Variants in CPQ observed in about 807,000 individuals in gnomAD.
CPQ encodes the protein Ser-Met dipeptidase.
Under a neutral mutation model 45.7 loss-of-function variants are expected in CPQ, and 37 were observed. The ratio of observed to expected loss-of-function variants is 0.81; its 90% CI spans 0.62 to 1.07. The LOEUF is 1.07. Among genes scored for constraint, CPQ ranks in the 50% least tolerant of loss-of-function variants. CPQ has a pLI of 0.00. For missense variants in CPQ, 537 were observed against 572.9 expected, an observed-to-expected ratio of 0.94 and a Z score of 0.64; for synonymous variants, 186 against 205.8, an observed-to-expected ratio of 0.90 and a Z score of 0.82.
intron 1 of CPQ, among the ~76,000 whole-genome samples, chr8:96,759,862 G>C (rs759701255): frequency 1.3e-5 from 2 of 152,100 alleles, no homozygotes; most frequent in Admixed American, 6.6e-5. Flanking sequence ...TAGGCTCTCT[G>C]TATATATTTT....
At chr8:96,974,323 C>T (rs1425226288) in intron 5 of CPQ, among the ~76,000 whole-genome samples, 5 of 152,222 alleles carry the variant, frequency 3.3e-5, no homozygotes, top group Middle Eastern at 3.4e-3. Flanking sequence ...GAAAATATCA[C>T]AATTCTAAAT....
At chr8:96,804,481 T>C (rs1811051017) in intron 2 of CPQ, among the ~76,000 whole-genome samples, 1 of 152,132 alleles carries the variant, frequency 6.6e-6, no homozygotes, top group Non-Finnish European at 1.5e-5. Context: ...TAGGGTTAGT[T>C]TCTGTTATTT....
At position 96,707,757 on chromosome 8, in the gene CPQ, A is replaced by C. The variant is rs147359454; in HGVS notation, c.-35+62355A>C. ...TGTAGTTCTGGGAGTCAGAAGTCCA[A>C]AATGGGTTTTACTTGGCAAAAAATA... On this transcript the variant is annotated intron_variant, in intron 1 of 7. Transcript: ENST00000220763. 3.9e-3 allele frequency among the ~76,000 whole-genome samples: 601 copies of C among 152,242 alleles called. 2 individuals are homozygous for C. The highest frequency in any genetic ancestry group is 0.014 in the Middle Eastern group (4 of 294).
intron 1 of CPQ, among the ~76,000 whole-genome samples, chr8:96,717,846 C>T (rs1809704942): frequency 1.3e-5 from 2 of 152,140 alleles, no homozygotes; most frequent in African/African-American, 2.4e-5. Flanking sequence ...GGTAATGTTC[C>T]AGGGAGGAGC....
chr8:97,135,987 T>C (rs369156282), intron 7 of CPQ, among the ~76,000 whole-genome samples: 1 of 152,188 alleles, frequency 6.6e-6, no homozygotes. Context: ...CACCCATCTC[T>C]TCAGGAATTA....
intron 5 of CPQ, among the ~76,000 whole-genome samples, chr8:97,023,112 CTA>C (rs35585042): frequency 6.9e-6 from 1 of 144,322 alleles, no homozygotes. Context: ...TATATACACA[CTA>C]TATATATATA....
chr8:96,800,053 G>A (rs1170593032), intron 2 of CPQ, among the ~76,000 whole-genome samples: 2 of 152,138 alleles, frequency 1.3e-5, no homozygotes, highest in Non-Finnish European at 2.9e-5. Flanking sequence ...TTCCGTGAAG[G>A]ATACCATGAA....
chr8:96,661,927 G>A (rs1815705995), intron 1 of CPQ, among the ~76,000 whole-genome samples: 1 of 152,154 alleles, frequency 6.6e-6, no homozygotes, highest in African/African-American at 2.4e-5. Context: ...CATTCCTGTT[G>A]CTCCACATCC....
chr8:96,993,033 A>G (rs1423121375), intron 5 of CPQ, among the ~76,000 whole-genome samples: 1 of 152,182 alleles, frequency 6.6e-6, no homozygotes, highest in African/African-American at 2.4e-5. Context: ...ACAATACATC[A>G]TCCCTGGAAA....
chr8:97,041,392 A>G (rs1269080396), intron 6 of CPQ, among the ~76,000 whole-genome samples: 1 of 152,034 alleles, frequency 6.6e-6, no homozygotes, highest in African/African-American at 2.4e-5. Context: ...GGGCTGAGAC[A>G]ATGGGGTTTT....
At chr8:97,031,184 T>C (rs1023792755) in intron 6 of CPQ, among the ~76,000 whole-genome samples, 3 of 124,076 alleles carry the variant, frequency 2.4e-5, no homozygotes, top group Non-Finnish European at 4.9e-5. Flanking sequence ...TTAAAAGAAC[T>C]ATTCTTTTTT....
intron 3 of CPQ, among the ~76,000 whole-genome samples, chr8:96,847,966 T>A (rs1001102574): frequency 6.7e-6 from 1 of 149,634 alleles, no homozygotes; most frequent in Non-Finnish European, 1.5e-5. Context: ...CAGGGATGTA[T>A]CTTTAGGATG....
chr8:96,974,035 T>A (rs1242722503), intron 5 of CPQ, among the ~76,000 whole-genome samples: 1 of 152,172 alleles, frequency 6.6e-6, no homozygotes, highest in East Asian at 1.9e-4. Context: ...TAACATTGAT[T>A]GTAAATGGCC....
chr8:96,792,492 G>A (rs1391096061), intron 2 of CPQ, among the ~76,000 whole-genome samples: 1 of 152,048 alleles, frequency 6.6e-6, no homozygotes, highest in Non-Finnish European at 1.5e-5. Flanking sequence ...CGAAATACAG[G>A]GCTTTCTTAA....
chr8:96,685,889 G>A (rs1312120013), intron 1 of CPQ, among the ~76,000 whole-genome samples: 1 of 151,978 alleles, frequency 6.6e-6, no homozygotes, highest in African/African-American at 2.4e-5. Context: ...TTTAATTCTT[G>A]TGGGTCCATC....
intron 2 of CPQ, among the ~76,000 whole-genome samples, chr8:96,793,686 T>A (rs888742488): frequency 2.6e-5 from 4 of 152,118 alleles, no homozygotes; most frequent in Non-Finnish European, 5.9e-5. Flanking sequence ...CAGTCCAAAG[T>A]CTCATCCGAG....
chr8:97,022,725 A>G (rs538829731), intron 5 of CPQ, among the ~76,000 whole-genome samples: 1 of 152,062 alleles, frequency 6.6e-6, no homozygotes, highest in East Asian at 1.9e-4. Flanking sequence ...AAAATCAAAA[A>G]ATAATTGATG....
chr8:97,109,945 T>C (rs2130591841), intron 7 of CPQ, among the ~76,000 whole-genome samples: 1 of 152,328 alleles, frequency 6.6e-6, no homozygotes, highest in South Asian at 2.1e-4. Flanking sequence ...GCAGCACTTC[T>C]ACAAATCCAT....
intron 4 of CPQ, among the ~76,000 whole-genome samples, chr8:96,921,263 G>A (rs1001889173): frequency 3.9e-5 from 6 of 152,026 alleles, no homozygotes; most frequent in African/African-American, 1.4e-4. Flanking sequence ...TTCTATTGCA[G>A]TTCATTCATT....
Sources: gnomAD v4.1 joint callset for allele counts (sites outside exome capture counted in the v4.1 genomes callset) on GRCh38, gnomAD v4.1.1 for gene constraint, MANE v1.5 for transcripts, NCBI Gene and HGNC (gene_info 2026-07-23, HGNC 2026-07-21) for gene names.